ADAM32: variants seen among roughly 807,000 people sequenced by gnomAD.
The protein encoded by ADAM32 is ADAM metallopeptidase domain 32, also known as disintegrin and metalloproteinase domain-containing protein 32.
A neutral mutation model predicts 114.9 loss-of-function variants in ADAM32; 89 were observed. The ratio of observed to expected loss-of-function variants is 0.77; its 90% CI spans 0.65 to 0.92. The LOEUF (loss-of-function observed/expected upper bound fraction) is 0.92, where lower values mean the gene tolerates loss of function less well. Ranked by LOEUF, ADAM32 falls within the 40% of genes least tolerant of loss-of-function variation. The pLI is 0.00. For synonymous variants in ADAM32, 285 were observed against 307.5 expected (o/e 0.93, Z 0.77); for missense variants, 870 against 932.8 (o/e 0.93, Z 0.88).
At chr8:39,205,319 G>A (rs530399144) in intron 11 of ADAM32, among the ~76,000 whole-genome samples, 2 of 152,300 alleles carry the variant, frequency 1.3e-5, no homozygotes, top group African/African-American at 2.4e-5. Flanking sequence ...CTCAAGCCTC[G>A]GCAATGGCAG....
chr8:39,258,502 A>G (rs1356523026), intron 19 of ADAM32, among the ~76,000 whole-genome samples: 1 of 152,104 alleles, frequency 6.6e-6, no homozygotes, highest in Admixed American at 6.5e-5. Flanking sequence ...TAATGAATCA[A>G]TTGTAATCTT....
chr8:39,149,650 T>C (rs1195022469), intron 4 of ADAM32, 141 bp from the exon 5 acceptor site: 1 of 535,436 alleles, frequency 1.9e-6, no homozygotes, highest in East Asian at 3.1e-5. Context: ...AATTTTTTTC[T>C]GAATTTCACC....
chr8:39,248,638 C>G (rs1386802705), intron 17 of ADAM32, among the ~76,000 whole-genome samples: 1 of 152,074 alleles, frequency 6.6e-6, no homozygotes, highest in Non-Finnish European at 1.5e-5. Flanking sequence ...TGAACAAAGA[C>G]AGTTTTATTT....
intron 23 of ADAM32, 35 bp downstream of exon 23, chr8:39,281,209 T>TAAC: frequency 8.0e-7 from 1 of 1,254,728 alleles, no homozygotes; most frequent in Non-Finnish European, 1.0e-6. Flanking sequence ...TATAAATAAG[T>TAAC]ATGTTGAAAA....
At chr8:39,217,856 A>G (rs959011125) in intron 12 of ADAM32, among the ~76,000 whole-genome samples, 1 of 152,104 alleles carries the variant, frequency 6.6e-6, no homozygotes, top group Non-Finnish European at 1.5e-5. Flanking sequence ...TTTCTCCAGG[A>G]TTGGTCCTTG....
In ADAM32 at chr8:39,246,057, CT is replaced by C. The variant is rs760619553; in HGVS notation, c.1819-19del. On this transcript the variant is annotated intron_variant, in intron 16 of 24. Coordinates refer to ENST00000379907, the MANE Select transcript of ADAM32 (RefSeq NM_145004.7). ...TGACTGTACCCCTCTGACATGGGAA[CT>C]TTTTTTGTATGTGTTTTTCTTTAGG... 8.1e-6 allele frequency: 13 copies of C among 1,598,588 alleles called. No homozygotes were observed. In the East Asian group the frequency reaches 2.5e-4, roughly 30 times the overall value.
At chr8:39,259,887 G>A (rs573421972) in intron 19 of ADAM32, among the ~76,000 whole-genome samples, 122 of 152,130 alleles carry the variant, frequency 8.0e-4, no homozygotes, top group Admixed American at 2.3e-3. Flanking sequence ...TAATGGTATC[G>A]GTACAATACT....
chr8:39,151,271 A>T (rs1803807990), intron 5 of ADAM32, 106 bp from the exon 6 acceptor site: 3 of 992,770 alleles, frequency 3.0e-6, no homozygotes, highest in Non-Finnish European at 4.2e-6. Context: ...TTCAGAAAAA[A>T]ATACTGGACT....
chr8:39,141,451 A>G (rs1011114492), intron 3 of ADAM32, among the ~76,000 whole-genome samples: 7 of 152,184 alleles, frequency 4.6e-5, no homozygotes, highest in Non-Finnish European at 1.5e-5. Flanking sequence ...TTATGAACCC[A>G]GTAGTCATTC....
intron 16 of ADAM32, among the ~76,000 whole-genome samples, chr8:39,238,094 A>G (rs775568088): frequency 6.6e-6 from 1 of 152,170 alleles, no homozygotes; most frequent in South Asian, 2.1e-4. Flanking sequence ...CCACATAACA[A>G]CTTCATTGCT....
intron 19 of ADAM32, among the ~76,000 whole-genome samples, chr8:39,263,219 T>C (rs555398511): frequency 6.6e-6 from 1 of 152,340 alleles, no homozygotes; most frequent in Admixed American, 6.5e-5. Flanking sequence ...GTTATATGGG[T>C]ATGGAACTTT....
chr8:39,231,605 T>A (rs1216023374), intron 14 of ADAM32, among the ~76,000 whole-genome samples: 1 of 152,212 alleles, frequency 6.6e-6, no homozygotes, highest in African/African-American at 2.4e-5. Flanking sequence ...TTTTGGTCCC[T>A]TAAATTTAGA....
chr8:39,283,757 A>G (rs894127213), intron 24 of ADAM32, 133 bp downstream of exon 24: 7 of 514,276 alleles, frequency 1.4e-5, no homozygotes, highest in African/African-American at 1.3e-4. Context: ...TAAATAACCT[A>G]TCTTTCTTTT....
At position 39,150,746 on chromosome 8, in the gene ADAM32, CTGTATT is replaced by C. The variant is rs1190553534; in HGVS notation, c.354-630_354-625del. ...AGGGAGTAGTGACTTGGGCTGCCAC[CTGTATT>C]CACAGAAAAATAGTGATACAAGTCA... is the stretch of plus-strand genomic sequence containing the variant. On this transcript the variant is annotated intron_variant, in intron 5 of 24. Transcript: ENST00000379907. 7.2e-5 allele frequency among the ~76,000 whole-genome samples: 11 copies of C among 152,200 alleles called. No homozygotes were observed. In the Middle Eastern group the frequency reaches 0.01, roughly 141 times the overall value.
intron 3 of ADAM32, among the ~76,000 whole-genome samples, chr8:39,139,031 T>C (rs1354736411): frequency 2.0e-5 from 3 of 152,250 alleles, no homozygotes; most frequent in Non-Finnish European, 4.4e-5. Flanking sequence ...GTTTGCTTTT[T>C]TTCTTTTAAA....
At chr8:39,119,602 G>A (rs1019647343) in intron 2 of ADAM32, among the ~76,000 whole-genome samples, 3 of 151,712 alleles carry the variant, frequency 2.0e-5, no homozygotes, top group Non-Finnish European at 4.4e-5. Context: ...ATATATTCTG[G>A]ACACAACTTC....
intron 12 of ADAM32, among the ~76,000 whole-genome samples, chr8:39,214,234 C>A (rs577183849): frequency 5.2e-4 from 79 of 152,178 alleles, no homozygotes; most frequent in African/African-American, 1.8e-3. Flanking sequence ...TATGGTAGCT[C>A]TATTTTTAGT....
intron 11 of ADAM32, among the ~76,000 whole-genome samples, chr8:39,188,340 A>G (rs1162833191): frequency 6.6e-6 from 1 of 150,386 alleles, no homozygotes; most frequent in Non-Finnish European, 1.5e-5. Context: ...GCATATGTCC[A>G]TATAGATGGA....
At chr8:39,178,496 C>T (rs1805654748) in intron 10 of ADAM32, among the ~76,000 whole-genome samples, 1 of 152,298 alleles carries the variant, frequency 6.6e-6, no homozygotes, top group East Asian at 1.9e-4. Context: ...TTATTACCCA[C>T]CTTCTGAAGA....
Sources: allele counts gnomAD v4.1 joint callset (sites outside exome capture counted in the v4.1 genomes callset), GRCh38; gene constraint gnomAD v4.1.1; transcripts MANE v1.5; gene names NCBI Gene and HGNC (gene_info 2026-07-23, HGNC 2026-07-21).